SCEL: variants seen among roughly 807,000 people sequenced by gnomAD.
The protein encoded by SCEL is sciellin.
In SCEL, 113 loss-of-function variants were observed where a neutral mutation model predicts 117.6. The observed-to-expected ratio is 0.96, with a 90% CI of 0.83 to 1.12. The LOEUF is 1.12. Ranked by LOEUF, SCEL falls within the 50% of genes most tolerant of loss-of-function variation. The probability of loss-of-function intolerance (pLI) is 0.00; values close to 1 mark genes in which losing one functional copy is unlikely to be tolerated. For synonymous variants in SCEL, 270 were observed against 256.2 expected (o/e 1.05, Z -0.51); for missense variants, 785 against 810.8 (o/e 0.97, Z 0.39).
At chr13:77,615,363 A>G (rs2088945720) in intron 24 of SCEL, among the ~76,000 whole-genome samples, 1 of 152,064 alleles carries the variant, frequency 6.6e-6, no homozygotes, top group Admixed American at 6.6e-5. Flanking sequence ...AAATATATAA[A>G]AATTAATTAA....
chr13:77,642,877 G>T, intron 32 of SCEL, 69 bp downstream of exon 32: 1 of 790,050 alleles, frequency 1.3e-6, no homozygotes, highest in Non-Finnish European at 2.0e-6. Context: ...CATTTAAAAT[G>T]ATGTATTTTA....
intron 1 of SCEL, among the ~76,000 whole-genome samples, chr13:77,551,559 C>G (rs560308943): frequency 6.6e-6 from 1 of 152,246 alleles, no homozygotes; most frequent in Admixed American, 6.5e-5. Context: ...AGATGGCCAC[C>G]TTCTTACTGT....
chr13:77,629,062 T>G (rs577071996), intron 28 of SCEL, among the ~76,000 whole-genome samples: 2 of 152,288 alleles, frequency 1.3e-5, no homozygotes, highest in Admixed American at 6.5e-5. Flanking sequence ...TACGTAAAAT[T>G]AAGGAATTTC....
intron 15 of SCEL, among the ~76,000 whole-genome samples, chr13:77,601,647 T>G (rs2087706955): frequency 6.6e-6 from 1 of 152,254 alleles, no homozygotes; most frequent in Non-Finnish European, 1.5e-5. Flanking sequence ...GAGAAATGAC[T>G]TGTCTGAATT....
intron 1 of SCEL, among the ~76,000 whole-genome samples, chr13:77,537,397 A>G (rs1475251083): frequency 6.6e-6 from 1 of 152,220 alleles, no homozygotes; most frequent in African/African-American, 2.4e-5. Flanking sequence ...ATATTTTTTC[A>G]AATGCTTTTT....
At chr13:77,609,431 G>A (rs1594110702) in intron 21 of SCEL, among the ~76,000 whole-genome samples, 1 of 152,258 alleles carries the variant, frequency 6.6e-6, no homozygotes, top group East Asian at 1.9e-4. Flanking sequence ...AACTAGACCG[G>A]ACCCCATAGT....
intron 30 of SCEL, among the ~76,000 whole-genome samples, chr13:77,639,377 C>A (rs951484122): frequency 1.3e-5 from 2 of 152,174 alleles, no homozygotes; most frequent in Non-Finnish European, 2.9e-5. Flanking sequence ...AAAGACATTA[C>A]TAGAATGATT....
At chr13:77,633,057 T>C (rs967142118) in intron 28 of SCEL, among the ~76,000 whole-genome samples, 2 of 152,220 alleles carry the variant, frequency 1.3e-5, no homozygotes, top group Non-Finnish European at 2.9e-5. Flanking sequence ...CACATACCTA[T>C]AGATTATTCT....
At chr13:77,582,123 A>C (rs2086295077) in intron 9 of SCEL, among the ~76,000 whole-genome samples, 1 of 152,176 alleles carries the variant, frequency 6.6e-6, no homozygotes. Flanking sequence ...CTCCTCTCTT[A>C]GCTATGTGCA....
At chr13:77,554,142 G>A (rs2084511334) in intron 1 of SCEL, among the ~76,000 whole-genome samples, 1 of 152,200 alleles carries the variant, frequency 6.6e-6, no homozygotes, top group Admixed American at 6.5e-5. Context: ...AGCGAAGGAA[G>A]TGAGCAAGGA....
chr13:77,540,869 G>A (rs2083665120), intron 1 of SCEL, among the ~76,000 whole-genome samples: 1 of 152,216 alleles, frequency 6.6e-6, no homozygotes, highest in Non-Finnish European at 1.5e-5. Context: ...GATTAAGTGA[G>A]GAAGTCTGGA....
At chr13:77,632,988 A>G (rs759595685) in intron 28 of SCEL, among the ~76,000 whole-genome samples, 1 of 152,250 alleles carries the variant, frequency 6.6e-6, no homozygotes, top group Non-Finnish European at 1.5e-5. Context: ...AAAATGTTAC[A>G]GGAACCAATT....
chr13:77,582,205 G>A (rs1054774721), intron 9 of SCEL, among the ~76,000 whole-genome samples: 1 of 152,092 alleles, frequency 6.6e-6, no homozygotes, highest in Non-Finnish European at 1.5e-5. Flanking sequence ...TTTGTCATCT[G>A]TGTATCTTCC....
At chr13:77,608,202 A>G in intron 20 of SCEL, 87 bp downstream of exon 20, 5 of 1,043,806 alleles carry the variant, frequency 4.8e-6, no homozygotes, top group Non-Finnish European at 7.1e-6. Context: ...AAACCTTTGG[A>G]TTGGGATCAG....
At chr13:77,567,968 G>C (rs1051792318) in intron 6 of SCEL, among the ~76,000 whole-genome samples, 3 of 152,140 alleles carry the variant, frequency 2.0e-5, no homozygotes, top group Admixed American at 1.3e-4. Flanking sequence ...TTATGTTTCT[G>C]TTTAAGTTGT....
intron 5 of SCEL, 144 bp from the exon 6 acceptor site, chr13:77,567,536 A>T (rs992254836): frequency 1.6e-6 from 1 of 612,998 alleles, no homozygotes; most frequent in African/African-American, 1.9e-5. Context: ...TTATTTAAAA[A>T]TTTTCTAAAA....
Position 77,569,381 on chromosome 13 carries a change from G to T in SCEL, c.409G>T (p.Gly137Cys), listed in dbSNP as rs143114727. ...SLEVTKLQPG[G>C]SLNANTSNTI... is the part of the protein sequence containing the mutation. ...CTTGTCATTAAACAGGCAACCTGGC[G>T]GTTCATTGAATGCCAACACCTCCAA... Residue 137 changes from glycine to cysteine, a missense_variant, in exon 8 of 33, where the codon GGT becomes TGT. Transcript: ENST00000349847. 30 of 1,613,428 alleles carry T rather than the reference G, an allele frequency of 1.9e-5. No individual in the cohort carries two copies. The South Asian group carries it at 3.0e-4, about 16-fold the overall frequency.
chr13:77,624,369 G>A (rs181937273), intron 27 of SCEL, among the ~76,000 whole-genome samples: 1 of 152,096 alleles, frequency 6.6e-6, no homozygotes, highest in Admixed American at 6.6e-5. Context: ...CTCCCAGAGT[G>A]CTGGGATTAC....
At chr13:77,581,714 A>G (rs1053127802) in intron 9 of SCEL, among the ~76,000 whole-genome samples, 10 of 152,222 alleles carry the variant, frequency 6.6e-5, no homozygotes, top group African/African-American at 2.2e-4. Flanking sequence ...AAATTATTTC[A>G]CCATTTCTCC....
Sources: gnomAD v4.1 joint callset for allele counts (sites outside exome capture counted in the v4.1 genomes callset) on GRCh38, gnomAD v4.1.1 for gene constraint, MANE v1.5 for transcripts, NCBI Gene and HGNC (gene_info 2026-07-23, HGNC 2026-07-21) for gene names.